Variants in CAMK1D observed in about 807,000 individuals in gnomAD.
The protein encoded by CAMK1D is calcium/calmodulin-dependent protein kinase type 1D.
A neutral mutation model predicts 47.7 loss-of-function variants in CAMK1D; 9 were observed. That is an observed-to-expected ratio of 0.19 (90% CI 0.11 to 0.33). CAMK1D has a LOEUF of 0.33. Among genes scored for constraint, CAMK1D ranks in the 10% least tolerant of loss-of-function variants. CAMK1D has a pLI of 1.00. For synonymous variants in CAMK1D, 184 were observed against 184.9 expected (o/e 0.99, Z 0.04); for missense variants, 291 against 488.7 (o/e 0.60, Z 3.81).
chr10:12,782,773 T>G (rs1837555936), intron 5 of CAMK1D, among the ~76,000 whole-genome samples: 1 of 152,106 alleles, frequency 6.6e-6, no homozygotes, highest in South Asian at 2.1e-4. Flanking sequence ...GTGCAACTCT[T>G]CCAAATTGAG....
intron 1 of CAMK1D, among the ~76,000 whole-genome samples, chr10:12,468,382 C>T (rs1010731710): frequency 3.3e-5 from 5 of 152,162 alleles, no homozygotes; most frequent in Admixed American, 3.3e-4. Context: ...TTTTTAAAAG[C>T]AATTTTAAAG....
intron 1 of CAMK1D, among the ~76,000 whole-genome samples, chr10:12,511,044 G>A (rs973418443): frequency 3.9e-5 from 6 of 152,184 alleles, no homozygotes; most frequent in Admixed American, 2.6e-4. Flanking sequence ...CACGGGATGC[G>A]GAATTTTAGT....
At chr10:12,592,187 A>G (rs907998679) in intron 2 of CAMK1D, among the ~76,000 whole-genome samples, 2 of 152,130 alleles carry the variant, frequency 1.3e-5, no homozygotes, top group African/African-American at 4.8e-5. Flanking sequence ...TGTTTTCTAA[A>G]TGCTTGTACA....
intron 3 of CAMK1D, among the ~76,000 whole-genome samples, chr10:12,752,317 TACCC>T (rs1836025947): frequency 6.6e-6 from 1 of 152,290 alleles, no homozygotes; most frequent in Admixed American, 6.5e-5. Flanking sequence ...TGCATGTGCC[TACCC>T]ACACTTGTGC....
In CAMK1D at chr10:12,830,355, G is replaced by A. The variant is rs1833396099; in HGVS notation, c.*1468G>A. On this transcript the variant is annotated 3_prime_UTR_variant, in exon 11 of 11. Transcript: ENST00000619168. ...TCCATTTCTGGTGGTAAGGAGAGGG[G>A]GCCCTGCCAGGCTAATGGGACTTCA... 6.6e-6 allele frequency: 1 copy of A among 152,246 alleles called. No homozygotes were observed. Among genetic ancestry groups the A allele is most frequent in the Non-Finnish European group, 1.5e-5 (1 of 68,100 alleles). The allele number at this position is 152,246 out of a possible 1,614,324, so 9.4% of individuals were successfully genotyped here.
At chr10:12,640,308 G>C (rs1028961350) in intron 2 of CAMK1D, among the ~76,000 whole-genome samples, 1 of 152,006 alleles carries the variant, frequency 6.6e-6, no homozygotes, top group Non-Finnish European at 1.5e-5. Context: ...GAAGGAGAAG[G>C]AGTTTAGAAT....
Position 12,611,938 on chromosome 10 carries a change from A to C in CAMK1D, c.225-54798A>C, listed in dbSNP as rs116854712. Reference sequence around the variant, plus strand: ...CTTTTTGCCCCAGGTTATCCTGCTAATGCCTTATTTCTCCACTTCATGAAG... The same window carrying C: ...CTTTTTGCCCCAGGTTATCCTGCTACTGCCTTATTTCTCCACTTCATGAAG... On this transcript the variant is annotated intron_variant, in intron 2 of 10. Coordinates refer to ENST00000619168, the MANE Select transcript of CAMK1D (RefSeq NM_153498.4). 5.0e-3 allele frequency among the ~76,000 whole-genome samples: 766 copies of C among 152,234 alleles called. 6 individuals are homozygous for C. The highest frequency in any genetic ancestry group is 0.049 in the East Asian group (255 of 5,172).
chr10:12,369,696 C>A (rs556063441), intron 1 of CAMK1D, among the ~76,000 whole-genome samples: 2 of 152,088 alleles, frequency 1.3e-5, no homozygotes, highest in Admixed American at 6.6e-5. Flanking sequence ...TGGCGGCTCA[C>A]GCCTGTATTC....
At chr10:12,487,377 T>G (rs1417484091) in intron 1 of CAMK1D, among the ~76,000 whole-genome samples, 1 of 152,228 alleles carries the variant, frequency 6.6e-6, no homozygotes, top group Non-Finnish European at 1.5e-5. Flanking sequence ...TACCCCACAC[T>G]TCTTCCAGCC....
chr10:12,807,198 C>G (rs544410218), intron 6 of CAMK1D, among the ~76,000 whole-genome samples: 19 of 152,192 alleles, frequency 1.2e-4, no homozygotes, highest in Non-Finnish European at 2.1e-4. Context: ...CTCTGCCCGG[C>G]ATGAAAGGAA....
chr10:12,365,948 C>T (rs899944757), intron 1 of CAMK1D, among the ~76,000 whole-genome samples: 3 of 152,060 alleles, frequency 2.0e-5, no homozygotes, highest in African/African-American at 4.8e-5. Context: ...CCCAGCTACT[C>T]GGGAGGCTGA....
At chr10:12,536,160 C>G (rs1167261044) in intron 1 of CAMK1D, among the ~76,000 whole-genome samples, 2 of 151,724 alleles carry the variant, frequency 1.3e-5, no homozygotes, top group Non-Finnish European at 2.9e-5. Flanking sequence ...AATAAGTGAA[C>G]AGATTACCAT....
At chr10:12,578,063 T>C (rs1225830571) in intron 2 of CAMK1D, among the ~76,000 whole-genome samples, 1 of 152,172 alleles carries the variant, frequency 6.6e-6, no homozygotes, top group African/African-American at 2.4e-5. Flanking sequence ...GGTATTGTGA[T>C]AGTCTGCTTT....
At chr10:12,636,759 G>C (rs1292247232) in intron 2 of CAMK1D, among the ~76,000 whole-genome samples, 1 of 152,140 alleles carries the variant, frequency 6.6e-6, no homozygotes, top group Non-Finnish European at 1.5e-5. Flanking sequence ...TTTTTCTGTT[G>C]TTCCACAGTG....
chr10:12,797,631 A>G (rs969950790), intron 6 of CAMK1D, among the ~76,000 whole-genome samples: 10 of 152,124 alleles, frequency 6.6e-5, no homozygotes, highest in African/African-American at 2.4e-4. Context: ...ATTGTTTGTT[A>G]TGATTTCCAG....
chr10:12,531,251 C>T (rs181679866), intron 1 of CAMK1D, among the ~76,000 whole-genome samples: 22 of 152,252 alleles, frequency 1.4e-4, no homozygotes, highest in African/African-American at 5.1e-4. Flanking sequence ...TGATGATATG[C>T]TGATAACTTG....
Position 12,500,858 on chromosome 10 carries a change from A to G in CAMK1D, c.93-52367A>G, listed in dbSNP as rs184262075. On this transcript the variant is annotated intron_variant, in intron 1 of 10. Coordinates refer to ENST00000619168, the MANE Select transcript of CAMK1D (RefSeq NM_153498.4). ...ATCAAATTCTCTTGTTAGCATGAAG[A>G]AGAGGAAACTGTGCTGTTATTAACT... Among the ~76,000 whole-genome samples the G allele has an allele frequency of 1.4e-4, 21 of 152,364 alleles. No homozygotes were observed. The East Asian group carries it at 3.7e-3, about 27-fold the overall frequency.
rs546538174 is a variant in CAMK1D, at chr10:12,561,635, G to A, written c.224+8279G>A. ...TGTTTCTGACCATTATTTGGTGATC[G>A]TTGTTTATTTCATCCTAACTGTGCA... On this transcript the variant is annotated intron_variant, in intron 2 of 10. Transcript: ENST00000619168. Among the ~76,000 whole-genome samples, 10 of 152,288 alleles carry A rather than the reference G, an allele frequency of 6.6e-5. No individual in the cohort carries two copies. In the East Asian group the frequency reaches 1.2e-3, roughly 18 times the overall value.
At chr10:12,539,899 T>C (rs756534761) in intron 1 of CAMK1D, among the ~76,000 whole-genome samples, 9 of 152,112 alleles carry the variant, frequency 5.9e-5, no homozygotes, top group Non-Finnish European at 1.3e-4. Context: ...TGAGGAGATT[T>C]TGTAATCTCA....
Sources: gnomAD v4.1 joint callset for allele counts (sites outside exome capture counted in the v4.1 genomes callset) on GRCh38, gnomAD v4.1.1 for gene constraint, MANE v1.5 for transcripts, NCBI Gene and HGNC (gene_info 2026-07-23, HGNC 2026-07-21) for gene names.